Variants in CDH12 observed in about 807,000 individuals in gnomAD.
CDH12 encodes the protein cadherin 12.
CDH12 carries 41 observed loss-of-function variants against 74.1 expected under a neutral mutation model. That is an observed-to-expected ratio of 0.55 (90% CI 0.43 to 0.72). The LOEUF (loss-of-function observed/expected upper bound fraction) is 0.72, where lower values mean the gene tolerates loss of function less well. Among genes scored for constraint, CDH12 ranks in the 30% least tolerant of loss-of-function variants. The pLI, the probability that CDH12 is intolerant of heterozygous loss-of-function variation, is 0.00. For missense variants in CDH12, 945 were observed against 977.2 expected (o/e 0.97, Z 0.44); for synonymous variants, 399 against 355.0 (o/e 1.12, Z -1.39).
intron 12 of CDH12, among the ~76,000 whole-genome samples, chr5:21,761,735 G>GGATA (rs1554027353): frequency 4.3e-5 from 5 of 117,464 alleles, no homozygotes; most frequent in Non-Finnish European, 9.2e-5. Flanking sequence ...ATGGATGGAT[G>GGATA]GATAGATATA....
intron 1 of CDH12, among the ~76,000 whole-genome samples, chr5:22,745,894 C>T (rs755609568): frequency 2.2e-4 from 34 of 151,860 alleles, no homozygotes; most frequent in African/African-American, 6.3e-4. Flanking sequence ...AAGGCCTGCA[C>T]GTGTACCCCA....
chr5:21,991,853 GT>G (rs923902440), intron 5 of CDH12, among the ~76,000 whole-genome samples: 1 of 151,658 alleles, frequency 6.6e-6, no homozygotes, highest in African/African-American at 2.4e-5. Context: ...TATGAGTCAA[GT>G]TTTTTTGTCA....
chr5:22,182,077 T>C (rs1400447063), intron 4 of CDH12, among the ~76,000 whole-genome samples: 3 of 152,134 alleles, frequency 2.0e-5, no homozygotes, highest in Non-Finnish European at 2.9e-5. Context: ...TAGTTTTCTT[T>C]GAATTTAGAA....
intron 1 of CDH12, among the ~76,000 whole-genome samples, chr5:22,613,021 G>A (rs536666683): frequency 4.6e-5 from 7 of 152,106 alleles, no homozygotes; most frequent in East Asian, 1.9e-4. Context: ...AAATTCTGCC[G>A]TATCATTCAT....
At position 22,642,132 on chromosome 5, in the gene CDH12, A is replaced by T. The variant is rs141599521; in HGVS notation, c.-522-136768T>A. On this transcript the variant is annotated intron_variant, in intron 1 of 14. Coordinates refer to ENST00000382254, the MANE Select transcript of CDH12 (RefSeq NM_004061.5). ...AGTGGAATAATGCCAATAATAGAGC[A>T]GAATAATTTCAAATACTTTTCGACA... is the stretch of plus-strand genomic sequence containing the variant. Among the ~76,000 whole-genome samples the T allele has an allele frequency of 1.5e-3, 234 of 152,378 alleles. 1 individual carries two copies. Among genetic ancestry groups the T allele is most frequent in the African/African-American group, 5.0e-3 (208 of 41,604 alleles).
intron 1 of CDH12, among the ~76,000 whole-genome samples, chr5:22,701,063 G>C (rs903834452): frequency 1.3e-5 from 2 of 151,920 alleles, no homozygotes; most frequent in Admixed American, 1.3e-4. Flanking sequence ...TATACTCTTT[G>C]ATTGTTAATC....
At chr5:22,367,423 C>T (rs1468348131) in intron 3 of CDH12, among the ~76,000 whole-genome samples, 1 of 152,120 alleles carries the variant, frequency 6.6e-6, no homozygotes, top group East Asian at 1.9e-4. Flanking sequence ...CCATATAATC[C>T]CCCATTTGTG....
At chr5:22,602,525 T>C (rs979485897) in intron 1 of CDH12, among the ~76,000 whole-genome samples, 1 of 152,090 alleles carries the variant, frequency 6.6e-6, no homozygotes. Flanking sequence ...TTTCCTAAAG[T>C]AATAATCAAG....
Position 21,854,722 on chromosome 5 carries a change from C to T in CDH12, c.595G>A (p.Val199Ile), listed in dbSNP as rs371189490. The change falls in exon 7 of 15, where the codon GTT becomes ATT. Residue 199 changes from valine (V) to isoleucine (I), a missense_variant. Val to Ile is a conservative substitution (Grantham distance 29). Around this residue, in one of 3 missense-constraint regions of CDH12, gnomAD observed 791 missense variants for 792.8 expected, o/e 1.00. Coordinates refer to ENST00000382254, the MANE Select transcript of CDH12 (RefSeq NM_004061.5). ...DPTYGNSARVVYSILQGQPYF... is the reference protein window; with the variant it reads ...DPTYGNSARVIYSILQGQPYF... ...GGTTGTCCCTGAAGAATGCTGTAAA[C>T]GACTCTGGCACTGTTTCCATAGGTC... The T allele has an allele frequency of 8.1e-5, 131 of 1,609,040 alleles. No homozygotes were observed. The highest frequency in any genetic ancestry group is 7.8e-4 in the African/African-American group (58 of 74,608).
At chr5:21,821,801 T>G (rs1449478430) in intron 8 of CDH12, among the ~76,000 whole-genome samples, 3 of 152,054 alleles carry the variant, frequency 2.0e-5, no homozygotes, top group Non-Finnish European at 4.4e-5. Flanking sequence ...ATTCAGTAAT[T>G]GAATTCAAAC....
At chr5:21,918,052 C>T (rs1035204833) in intron 6 of CDH12, among the ~76,000 whole-genome samples, 16 of 152,014 alleles carry the variant, frequency 1.1e-4, no homozygotes, top group African/African-American at 3.6e-4. Context: ...AAAACTGCCC[C>T]TTTTATATCT....
intron 2 of CDH12, among the ~76,000 whole-genome samples, chr5:22,409,426 C>A (rs1743087359): frequency 6.6e-6 from 1 of 151,870 alleles, no homozygotes; most frequent in Non-Finnish European, 1.5e-5. Context: ...ATTCTTATTT[C>A]TTATTTCTCC....
chr5:22,069,723 G>A (rs560922365), intron 5 of CDH12, among the ~76,000 whole-genome samples: 1 of 152,124 alleles, frequency 6.6e-6, no homozygotes, highest in African/African-American at 2.4e-5. Flanking sequence ...CATCTTGAGT[G>A]CCAATGGGAA....
chr5:22,689,539 C>G (rs1208759928), intron 1 of CDH12, among the ~76,000 whole-genome samples: 1 of 151,912 alleles, frequency 6.6e-6, no homozygotes, highest in East Asian at 1.9e-4. Context: ...AGTGCAAATA[C>G]ATAACTAGGA....
chr5:22,040,986 G>A (rs1324030447), intron 5 of CDH12, among the ~76,000 whole-genome samples: 2 of 151,942 alleles, frequency 1.3e-5, no homozygotes, highest in African/African-American at 4.8e-5. Flanking sequence ...AGTCAGAACA[G>A]TCAAAAATAG....
At chr5:22,466,881 C>T (rs556799006) in intron 2 of CDH12, among the ~76,000 whole-genome samples, 23 of 143,874 alleles carry the variant, frequency 1.6e-4, no homozygotes, top group Non-Finnish European at 2.2e-4. Flanking sequence ...CTCTGCCTCC[C>T]GGGTTCAAGC....
chr5:22,621,681 A>T (rs537304572), intron 1 of CDH12, among the ~76,000 whole-genome samples: 1 of 152,254 alleles, frequency 6.6e-6, no homozygotes, highest in South Asian at 2.1e-4. Context: ...AGAAATAATA[A>T]ATACTACAGT....
chr5:22,471,827 G>T (rs1215782349), intron 2 of CDH12, among the ~76,000 whole-genome samples: 2 of 152,076 alleles, frequency 1.3e-5, no homozygotes, highest in African/African-American at 2.4e-5. Flanking sequence ...CAACTTTGTA[G>T]ATTATTTTAC....
At chr5:22,040,723 G>A (rs777533761) in intron 5 of CDH12, among the ~76,000 whole-genome samples, 19 of 152,196 alleles carry the variant, frequency 1.2e-4, no homozygotes, top group Middle Eastern at 3.4e-3. Flanking sequence ...TCCTTCAGAA[G>A]TAAAAGATAA....
Sources: gnomAD v4.1 joint callset for allele counts (sites outside exome capture counted in the v4.1 genomes callset) on GRCh38, gnomAD v4.1.1 for gene constraint, gnomAD v4.1.1 regional missense constraint, MANE v1.5 for transcripts, NCBI Gene and HGNC (gene_info 2026-07-23, HGNC 2026-07-21) for gene names.